The following MAGI1 variants were observed in gnomAD, a reference collection of about 807,000 sequenced individuals.
The protein encoded by MAGI1 is membrane-associated guanylate kinase, WW and PDZ domain-containing protein 1.
MAGI1 carries 58 observed loss-of-function variants against 139.9 expected under a neutral mutation model. That is an observed-to-expected ratio of 0.41 (90% confidence interval 0.34 to 0.52). MAGI1 has a LOEUF of 0.52. Among genes scored for constraint, MAGI1 ranks in the 20% least tolerant of loss-of-function variants. MAGI1 has a pLI of 0.12. For synonymous variants in MAGI1, 812 were observed against 737.9 expected (o/e 1.10, Z -1.63); for missense variants, 1,874 against 1,901.6 (o/e 0.99, Z 0.27).
chr3:65,429,805 T>G lies in MAGI1; in HGVS notation c.1882A>C (p.Thr628Pro). ...GCTATGGAGGAAGCCAAAGAAACAG[T>G]GTCATTAGGATAACCATGAGAACTA... ...SNSSHGYPND[T>P]VSLASSIATQ... Residue 628 changes from threonine to proline, a missense_variant, in exon 12 of 23, where the codon ACT (threonine) becomes CCT (proline). Physicochemically the swap from Thr to Pro is conservative, Grantham distance 38. Around this residue, in one of 5 missense-constraint regions of MAGI1, gnomAD observed 482 missense variants for 509.6 expected, o/e 0.95. Transcript: ENST00000402939. 3 of 1,613,956 alleles carry G rather than the reference T, an allele frequency of 1.9e-6. No homozygotes were observed. Among genetic ancestry groups the G allele is most frequent in the Non-Finnish European group, 2.5e-6 (3 of 1,179,962 alleles).
chr3:65,379,871 A>G (rs915738169), intron 16 of MAGI1, among the ~76,000 whole-genome samples: 1 of 152,232 alleles, frequency 6.6e-6, no homozygotes, highest in Non-Finnish European at 1.5e-5. Flanking sequence ...CTGCTGTGAA[A>G]TATTTCCCCA....
chr3:65,647,521 T>A (rs1347655344), intron 1 of MAGI1, among the ~76,000 whole-genome samples: 1 of 152,090 alleles, frequency 6.6e-6, no homozygotes, highest in African/African-American at 2.4e-5. Flanking sequence ...TCTCACAAAC[T>A]GAATCCAGCA....
At chr3:66,005,554 T>G (rs1308788166) in intron 1 of MAGI1, among the ~76,000 whole-genome samples, 1 of 152,116 alleles carries the variant, frequency 6.6e-6, no homozygotes, top group Non-Finnish European at 1.5e-5. Context: ...TAAGAAAATC[T>G]TTAGCACTTC....
intron 2 of MAGI1, among the ~76,000 whole-genome samples, chr3:65,620,536 A>T (rs530713018): frequency 1.3e-5 from 2 of 152,314 alleles, no homozygotes; most frequent in African/African-American, 4.8e-5. Flanking sequence ...CAGTTTCTTG[A>T]TTTGTAAAAA....
rs73125752 is a variant in MAGI1 at position 66,017,576 on chromosome 3, C to T, written c.313+20420G>A. On this transcript the variant is annotated intron_variant, in intron 1 of 22. Transcript: ENST00000402939. ...GTCACCTAATCTGCTGTCACCTAATCTCAGACAAGTAACAACTTCCAAGGC... is the reference window on the plus strand; with the variant it reads ...GTCACCTAATCTGCTGTCACCTAATTTCAGACAAGTAACAACTTCCAAGGC... 9.7e-3 allele frequency among the ~76,000 whole-genome samples: 1,479 copies of T among 152,332 alleles called. 12 individuals carry two copies. Among genetic ancestry groups the T allele is most frequent in the Non-Finnish European group, 0.015 (1,005 of 68,034 alleles).
intron 14 of MAGI1, among the ~76,000 whole-genome samples, chr3:65,384,911 C>A (rs866415291): frequency 5.9e-5 from 9 of 152,032 alleles, no homozygotes; most frequent in Non-Finnish European, 1.2e-4. Flanking sequence ...CCAGCAGACA[C>A]TGAGGGGTGA....
intron 1 of MAGI1, among the ~76,000 whole-genome samples, chr3:65,950,239 G>A (rs1441120341): frequency 2.0e-5 from 3 of 151,392 alleles, no homozygotes; most frequent in South Asian, 2.1e-4. Context: ...GACCACCCAA[G>A]TGGGTAACTT....
intron 1 of MAGI1, among the ~76,000 whole-genome samples, chr3:65,979,088 T>TTCCCCCCCCCCCCCCCCC (rs377493475): frequency 1.9e-5 from 1 of 52,970 alleles, no homozygotes; most frequent in African/African-American, 7.0e-5. Context: ...TTTCTTTTCT[T>TTCCCCCCCCCCCCCCCCC]CCCCCCCCCC....
intron 1 of MAGI1, among the ~76,000 whole-genome samples, chr3:65,706,582 A>C (rs559073400): frequency 1.1e-4 from 17 of 152,202 alleles, no homozygotes; most frequent in Non-Finnish European, 1.6e-4. Flanking sequence ...GGACAGAAGA[A>C]GGCTTGAGGT....
chr3:65,387,279 A>C (rs2106947671), intron 14 of MAGI1: 1 of 1,346,360 alleles, frequency 7.4e-7, no homozygotes, highest in Admixed American at 1.7e-5. Flanking sequence ...TCTTTCTCTT[A>C]GTTCACTTTA....
At chr3:65,950,564 G>C (rs1036270713) in intron 1 of MAGI1, among the ~76,000 whole-genome samples, 1 of 152,030 alleles carries the variant, frequency 6.6e-6, no homozygotes, top group Non-Finnish European at 1.5e-5. Context: ...AACAAACAAA[G>C]AATATAAGCA....
At chr3:65,779,731 G>A (rs1390855430) in intron 1 of MAGI1, among the ~76,000 whole-genome samples, 3 of 152,096 alleles carry the variant, frequency 2.0e-5, no homozygotes, top group Non-Finnish European at 2.9e-5. Flanking sequence ...AATTTTATTC[G>A]CACCATGGAG....
intron 1 of MAGI1, among the ~76,000 whole-genome samples, chr3:65,767,562 A>C (rs140074617): frequency 1.3e-5 from 2 of 152,374 alleles, no homozygotes; most frequent in East Asian, 3.9e-4. Context: ...GAAAGCTCAA[A>C]GACATTCATC....
chr3:65,449,633 C>G (rs1948903326), intron 6 of MAGI1, among the ~76,000 whole-genome samples: 1 of 151,930 alleles, frequency 6.6e-6, no homozygotes, highest in South Asian at 2.1e-4. Context: ...AAAAATTAGT[C>G]AGGCAGGTGG....
chr3:65,613,310 C>G (rs2083212781), intron 2 of MAGI1, among the ~76,000 whole-genome samples: 2 of 152,158 alleles, frequency 1.3e-5, no homozygotes, highest in Non-Finnish European at 2.9e-5. Flanking sequence ...AGCACAGTGC[C>G]TGGTGCATAC....
intron 1 of MAGI1, among the ~76,000 whole-genome samples, chr3:65,950,400 C>G (rs1186894161): frequency 1.3e-5 from 2 of 152,074 alleles, no homozygotes; most frequent in Non-Finnish European, 2.9e-5. Flanking sequence ...CATATTCTCC[C>G]ATGGCCCCAA....
chr3:65,852,578 AC>A, intron 1 of MAGI1, among the ~76,000 whole-genome samples: 1 of 149,538 alleles, frequency 6.7e-6, no homozygotes, highest in Middle Eastern at 3.5e-3. Context: ...ATCTCAGCTC[AC>A]CGCAACCTCT....
chr3:65,845,277 A>AG (rs2058951065), intron 1 of MAGI1, among the ~76,000 whole-genome samples: 1 of 151,860 alleles, frequency 6.6e-6, no homozygotes, highest in Middle Eastern at 3.2e-3. Context: ...AGAGAAGAGA[A>AG]GAAAAAAGAA....
intron 2 of MAGI1, among the ~76,000 whole-genome samples, chr3:65,612,254 A>C (rs1289187552): frequency 1.3e-5 from 2 of 152,042 alleles, no homozygotes; most frequent in Non-Finnish European, 2.9e-5. Flanking sequence ...GAACAGTGCA[A>C]GAATAAGAAT....
Sources: gnomAD v4.1 joint callset for allele counts (sites outside exome capture counted in the v4.1 genomes callset) on GRCh38, gnomAD v4.1.1 for gene constraint, gnomAD v4.1.1 regional missense constraint, MANE v1.5 for transcripts, NCBI Gene and HGNC (gene_info 2026-07-23, HGNC 2026-07-21) for gene names.